PCED1B: variants seen among roughly 807,000 people sequenced by gnomAD.
PCED1B encodes the protein PC-esterase domain containing 1B, also known as PC-esterase domain-containing protein 1B.
For synonymous variants in PCED1B, 251 were observed against 246.1 expected (o/e 1.02, Z -0.19); for missense variants, 573 against 573.9 (o/e 1.00, Z 0.02).
In PCED1B at chr12:47,220,879, C is replaced by A. The variant is rs1235823194; in HGVS notation, c.-58+4190C>A. 2.0e-5 allele frequency among the ~76,000 whole-genome samples: 3 copies of A among 152,198 alleles called. No individual in the cohort carries two copies. The East Asian group carries it at 5.8e-4, about 29-fold the overall frequency. On this transcript the variant is annotated intron_variant, in intron 3 of 3. Transcript: ENST00000546455. ...TCAGTAACAGGAAAGGGTTGGGGAA[C>A]ATTCAAAGGTGAGTCACAGAGACAA... is the stretch of plus-strand genomic sequence containing the variant.
chr12:47,105,537 G>A (rs1938909365), intron 2 of PCED1B, among the ~76,000 whole-genome samples: 1 of 152,148 alleles, frequency 6.6e-6, no homozygotes, highest in South Asian at 2.1e-4. Context: ...AAATTACTTA[G>A]CGGACTAGGG....
At chr12:47,170,150 T>C (rs376131219) in intron 2 of PCED1B, among the ~76,000 whole-genome samples, 2,865 of 152,184 alleles carry the variant, frequency 0.019, 81 homozygotes, top group African/African-American at 0.063. Context: ...CATCTTGCAC[T>C]GCCCTTAATC....
chr12:47,182,763 A>C (rs940336688), intron 2 of PCED1B, among the ~76,000 whole-genome samples: 2 of 152,192 alleles, frequency 1.3e-5, no homozygotes, highest in African/African-American at 2.4e-5. Flanking sequence ...AGCTAGTAAC[A>C]GTTGAGCTGC....
intron 2 of PCED1B, among the ~76,000 whole-genome samples, chr12:47,153,642 A>C (rs953546158): frequency 1.3e-5 from 2 of 152,134 alleles, no homozygotes; most frequent in Non-Finnish European, 1.5e-5. Flanking sequence ...TGAACCTATT[A>C]GCTCTCCATA....
At chr12:47,195,261 G>A (rs768824274) in intron 2 of PCED1B, among the ~76,000 whole-genome samples, 3 of 151,774 alleles carry the variant, frequency 2.0e-5, no homozygotes, top group African/African-American at 4.8e-5. Flanking sequence ...CCCAAAAGGC[G>A]GAGGTTGCAG....
At chr12:47,118,012 T>A (rs778092300) in intron 2 of PCED1B, among the ~76,000 whole-genome samples, 1 of 152,172 alleles carries the variant, frequency 6.6e-6, no homozygotes, top group East Asian at 1.9e-4. Flanking sequence ...GAGAAGTGTC[T>A]GTTCATATCC....
chr12:47,229,391 G>A (rs1299185713), intron 3 of PCED1B, among the ~76,000 whole-genome samples: 1 of 150,360 alleles, frequency 6.7e-6, no homozygotes, highest in Non-Finnish European at 1.5e-5. Context: ...TTCAGCCTGG[G>A]CACCAAGAGC....
intron 2 of PCED1B, among the ~76,000 whole-genome samples, chr12:47,141,001 A>C (rs1318358727): frequency 6.6e-6 from 1 of 152,184 alleles, no homozygotes; most frequent in African/African-American, 2.4e-5. Flanking sequence ...AAGCTGTTTC[A>C]TACTTAAGAG....
chr12:47,231,932 A>G (rs214696), intron 3 of PCED1B, among the ~76,000 whole-genome samples: 39,245 of 152,092 alleles, frequency 0.26, 5,391 homozygotes, highest in African/African-American at 0.36. Context: ...ACTTGAGTCT[A>G]GAGTGGGAAG....
intron 2 of PCED1B, among the ~76,000 whole-genome samples, chr12:47,162,833 A>G (rs1941430474): frequency 6.6e-6 from 1 of 152,220 alleles, no homozygotes; most frequent in African/African-American, 2.4e-5. Flanking sequence ...ACATTTCAAC[A>G]TGAGATTTGC....
At chr12:47,157,457 G>A (rs1941230867) in intron 2 of PCED1B, among the ~76,000 whole-genome samples, 1 of 152,128 alleles carries the variant, frequency 6.6e-6, no homozygotes. Context: ...AGGCATGGTT[G>A]TGTGTGCCTG....
intron 2 of PCED1B, among the ~76,000 whole-genome samples, chr12:47,156,400 T>C: frequency 6.6e-6 from 1 of 152,192 alleles, no homozygotes. Flanking sequence ...AGAAAGATTT[T>C]CATTTTGCAC....
At chr12:47,119,979 A>ATAC (rs1334721707) in intron 2 of PCED1B, among the ~76,000 whole-genome samples, 29 of 151,754 alleles carry the variant, frequency 1.9e-4, no homozygotes, top group African/African-American at 6.1e-4. Flanking sequence ...AATAATAATA[A>ATAC]TAATAATAAT....
chr12:47,234,966 A>G (rs1215946513), intron 3 of PCED1B, 41 bp from the exon 4 acceptor site: 2 of 1,185,294 alleles, frequency 1.7e-6, no homozygotes, highest in Non-Finnish European at 2.3e-6. Context: ...CGCTCCGCCC[A>G]GAGGTGAGTC....
intron 2 of PCED1B, among the ~76,000 whole-genome samples, chr12:47,142,743 A>G (rs952558075): frequency 2.6e-5 from 4 of 152,154 alleles, no homozygotes; most frequent in Admixed American, 2.0e-4. Context: ...CAAATCAAAA[A>G]CAGATTATTT....
At chr12:47,113,403 A>G (rs1006242380) in intron 2 of PCED1B, among the ~76,000 whole-genome samples, 7 of 152,142 alleles carry the variant, frequency 4.6e-5, no homozygotes. Context: ...CCATGACATG[A>G]TGAGGCATTT....
At chr12:47,158,226 C>T (rs1415963590) in intron 2 of PCED1B, among the ~76,000 whole-genome samples, 1 of 152,190 alleles carries the variant, frequency 6.6e-6, no homozygotes, top group African/African-American at 2.4e-5. Context: ...CTGTTTTCCA[C>T]AGCAACCATA....
At chr12:47,207,033 G>T (rs1192134571) in intron 2 of PCED1B, among the ~76,000 whole-genome samples, 3 of 152,224 alleles carry the variant, frequency 2.0e-5, no homozygotes, top group Non-Finnish European at 4.4e-5. Context: ...GGTAGAAGGA[G>T]CTTTGAATGG....
chr12:47,234,870 C>G (rs1943921893), intron 3 of PCED1B, 137 bp from the exon 4 acceptor site: 1 of 429,096 alleles, frequency 2.3e-6, no homozygotes, highest in Non-Finnish European at 4.0e-6. Flanking sequence ...GCCTGTTATG[C>G]GGGCACTCCA....
Sources: allele counts gnomAD v4.1 joint callset (sites outside exome capture counted in the v4.1 genomes callset), GRCh38; gene constraint gnomAD v4.1.1; transcripts MANE v1.5; gene names NCBI Gene and HGNC (gene_info 2026-07-23, HGNC 2026-07-21).